SLC22A31: variants seen among roughly 807,000 people sequenced by gnomAD.
SLC22A31 encodes the protein putative solute carrier family 22 member 31.
SLC22A31 carries 42 observed loss-of-function variants against 27.4 expected under a neutral mutation model. The observed-to-expected ratio is 1.53, with a 90% CI of 1.20 to 1.98. SLC22A31 has a LOEUF of 1.98. SLC22A31 is among the 30% of genes most tolerant of loss of function. The pLI is 0.00. For synonymous variants in SLC22A31, 290 were observed against 230.8 expected, an observed-to-expected ratio of 1.26 and a Z score of -2.33; for missense variants, 593 against 479.9, an observed-to-expected ratio of 1.24 and a Z score of -2.20.
At position 89,195,876 on chromosome 16, in the gene SLC22A31, C is replaced by G. The variant is rs36116857; in HGVS notation, c.*123G>C. On this transcript the variant is annotated 3_prime_UTR_variant, in exon 9 of 9. Coordinates refer to ENST00000682282, the MANE Select transcript of SLC22A31 (RefSeq NM_001384763.1). ...CTTCACGCTGTCCCCACGGCTCCAC[C>G]TGCACTGAGACACGGGCTTCTGAGA... is the stretch of plus-strand genomic sequence containing the variant. 4.6e-3 allele frequency: 5,491 copies of G among 1,192,664 alleles called. 19 individuals carry two copies. The highest frequency in any genetic ancestry group is 5.2e-3 in the Non-Finnish European group (4,637 of 884,648). The allele number at this position is 1,192,664 out of a possible 1,614,324, so 73.9% of individuals were successfully genotyped here. A position where few individuals can be genotyped will look rare whatever the true frequency, so the allele number is the denominator to read the frequency against.
At position 89,195,820 on chromosome 16, in the gene SLC22A31, C is replaced by T. The variant is rs1286982020; in HGVS notation, c.*179G>A. 4.7e-6 allele frequency: 3 copies of T among 640,170 alleles called. No individual in the cohort carries two copies. The highest frequency in any genetic ancestry group is 3.8e-5 in the African/African-American group (2 of 52,732). The allele number at this position is 640,170 out of a possible 1,614,324, so 39.7% of individuals were successfully genotyped here. On this transcript the variant is annotated 3_prime_UTR_variant, in exon 9 of 9. Transcript: ENST00000682282. ...GTGTGGCTGGGGGGAGACCCAGGGC[C>T]TCCCAGTGCCTGGGGCCTGGCTGGA...
At chr16:89,201,153 G>C (rs1916575621), upstream of SLC22A31, 2 of 378,236 alleles carry the variant, frequency 5.3e-6, no homozygotes, top group Non-Finnish European at 9.4e-6. Context: ...CCAGGAGGAC[G>C]GCCGGGGGGC....
chr16:89,201,275 C>T, upstream of SLC22A31: 1 of 360,414 alleles, frequency 2.8e-6, no homozygotes. Context: ...GGTGACCGGG[C>T]TTTGCAGGAG....
Position 89,198,187 on chromosome 16 carries a change from G to A in SLC22A31, c.857C>T (p.Pro286Leu), listed in dbSNP as rs750436991. The A allele has an allele frequency of 1.6e-5, 25 of 1,535,592 alleles. 1 individual carries two copies. In the South Asian group the frequency reaches 2.6e-4, roughly 16 times the overall value. ...LLTADCCGRR[P>L]VLLLGTMVTG... ...GACCATGGTGCCCAGCAGCAGCACG[G>A]GGCGGCGTCCACAGCAATCTGCCGT... The change falls in exon 7 of 9, where the codon CCC becomes CTC. Residue 286 changes from proline to leucine, a missense_variant. Transcript: ENST00000682282.
rs1028272668 is a variant in SLC22A31, at chr16:89,195,846, G to A, written c.*153C>T. Reference sequence around the variant, plus strand: ...TCCCAGTGCCTGGGGCCTGGCTGGAGACACCTTCACGCTGTCCCCACGGCT... The same window carrying A: ...TCCCAGTGCCTGGGGCCTGGCTGGAAACACCTTCACGCTGTCCCCACGGCT... On this transcript the variant is annotated 3_prime_UTR_variant, in exon 9 of 9. Coordinates refer to ENST00000682282, the MANE Select transcript of SLC22A31 (RefSeq NM_001384763.1). 2 of 861,384 alleles carry A rather than the reference G, an allele frequency of 2.3e-6. No individual in the cohort carries two copies. Among genetic ancestry groups the A allele is most frequent in the Admixed American group, 3.4e-5 (1 of 29,460 alleles). 53.4% of individuals were successfully genotyped at this position (861,384 alleles called of 1,614,324 possible). A position where few individuals can be genotyped will look rare whatever the true frequency, so the allele number is the denominator to read the frequency against.
In SLC22A31 at chr16:89,198,689, G is replaced by A. The variant is rs1038214634; in HGVS notation, c.561C>T (p.Pro187=). 2.5e-5 allele frequency: 39 copies of A among 1,535,690 alleles called. No homozygotes were observed. Among genetic ancestry groups the A allele is most frequent in the Non-Finnish European group, 3.0e-5 (34 of 1,146,752 alleles). The change falls in exon 5 of 9, where the codon CCC becomes CCT. Residue 187 remains proline (P), a synonymous_variant. Coordinates refer to ENST00000682282, the MANE Select transcript of SLC22A31 (RefSeq NM_001384763.1). ...WRFAEASGVG[P]GDSSLEENSL... is the part of the protein sequence containing the mutation. The stretch of plus-strand genomic sequence containing the variant: ...AGTTCTCCTCCAAGGAACTGTCCCC[G>A]GGGCCCACGCCACTGGCTTCTGCAA...
chr16:89,196,651 T>G (rs1915957051), intron 8 of SLC22A31, among the ~76,000 whole-genome samples: 1 of 152,218 alleles, frequency 6.6e-6, no homozygotes, highest in Non-Finnish European at 1.5e-5. Flanking sequence ...TTTGCTCTGT[T>G]CAAGACTGGA....
Position 89,198,219 on chromosome 16 carries a change from C to T in SLC22A31, c.825G>A (p.Leu275=). The T allele has an allele frequency of 6.5e-7, 1 of 1,535,910 alleles. No homozygotes were observed. The highest frequency in any genetic ancestry group is 8.7e-7 in the Non-Finnish European group (1 of 1,146,884). ...AGLEAAALVF[L]LLTADCCGRR... is the part of the protein sequence containing the mutation. ...GTCCACAGCAATCTGCCGTCAGGAG[C>T]AGGAAGACCAAGGCTGCCGCCTCCA... The change falls in exon 7 of 9, where the codon CTG becomes CTA. Residue 275 remains leucine (L), a synonymous_variant. Transcript: ENST00000682282.
upstream of SLC22A31, among the ~76,000 whole-genome samples, chr16:89,200,610 T>C (rs545442132): frequency 2.5e-3 from 383 of 151,960 alleles, 1 homozygote; most frequent in Middle Eastern, 0.01. Context: ...CTTGTGAAGA[T>C]GTGGCAACCC....
chr16:89,197,271 G>A lies in SLC22A31; in HGVS notation c.1034+27C>T, dbSNP rs981631635. The A allele has an allele frequency of 5.3e-6, 8 of 1,519,760 alleles. No homozygotes were observed. In the Admixed American group the frequency reaches 7.9e-5, roughly 15 times the overall value. 94.1% of individuals were successfully genotyped at this position (1,519,760 alleles called of 1,614,324 possible). On this transcript the variant is annotated intron_variant, in intron 8 of 8. Transcript: ENST00000682282. ...CCCATGAGAGGCCCTGGACCCTGCT[G>A]TGTGGCCGGGCAACCCTGAAGCTCA... is the stretch of plus-strand genomic sequence containing the variant.
At chr16:89,199,263 G>C in intron 3 of SLC22A31, 72 bp from the exon 4 acceptor site, 4 of 1,401,878 alleles carry the variant, frequency 2.9e-6, no homozygotes, top group Non-Finnish European at 2.8e-6. Flanking sequence ...GAACTGCGGG[G>C]ACCTATTGGT....
chr16:89,196,167 A>G lies in SLC22A31; in HGVS notation c.1173T>C (p.Cys391=), dbSNP rs1316205259. The change falls in exon 9 of 9, where the codon TGT becomes TGC. Residue 391 remains cysteine, a synonymous_variant. Transcript: ENST00000682282. Reference sequence around the variant, plus strand: ...TTCGGCTCTCAGGCAGCAGCAGGACACACAGCAGGGCAAGGACAGCAAGGG... The same window carrying G: ...TTCGGCTCTCAGGCAGCAGCAGGACGCACAGCAGGGCAAGGACAGCAAGGG... ...FASLAVLALL[C]VLLLPESRSR... 2.0e-6 allele frequency: 3 copies of G among 1,535,206 alleles called. No homozygotes were observed. The highest frequency in any genetic ancestry group is 2.6e-6 in the Non-Finnish European group (3 of 1,146,508).
chr16:89,198,854 C>G lies in SLC22A31; in HGVS notation c.453-57G>C, dbSNP rs1374731646. 20 of 1,504,264 alleles carry G rather than the reference C, an allele frequency of 1.3e-5. No homozygotes were observed. In the East Asian group the frequency reaches 4.7e-4, roughly 35 times the overall value. The allele number at this position is 1,504,264 out of a possible 1,614,324, so 93.2% of individuals were successfully genotyped here. On this transcript the variant is annotated intron_variant, in intron 4 of 8. Coordinates refer to ENST00000682282, the MANE Select transcript of SLC22A31 (RefSeq NM_001384763.1). The stretch of plus-strand genomic sequence containing the variant: ...CTCCACCTCCTCCTGGAAGGAGAGG[C>G]AAAGGCCAGGGCCCCCACCCCACCC...
At chr16:89,197,123 T>C (rs375466806) in intron 8 of SLC22A31, among the ~76,000 whole-genome samples, 175 bp downstream of exon 8, 6 of 152,066 alleles carry the variant, frequency 3.9e-5, no homozygotes, top group African/African-American at 1.4e-4. Flanking sequence ...CTGTGAGCAG[T>C]GGCCCCCACC....
chr16:89,200,977 C>G (rs1387139910), upstream of SLC22A31: 1 of 348,444 alleles, frequency 2.9e-6, no homozygotes, highest in Admixed American at 4.8e-5. Flanking sequence ...AGGCCCTGCT[C>G]CCCCACCGGC....
chr16:89,201,456 A>C, upstream of SLC22A31: 1 of 391,116 alleles, frequency 2.6e-6, no homozygotes, highest in South Asian at 1.3e-4. Context: ...GGCGGCGTCC[A>C]GCAGCGCGGG....
At chr16:89,201,358 C>A (rs1248986251), upstream of SLC22A31, 2 of 186,928 alleles carry the variant, frequency 1.1e-5, no homozygotes, top group African/African-American at 2.1e-4. Context: ...GCGCGGGGCG[C>A]GGGCCCGGGG....
At position 89,198,248 on chromosome 16, in the gene SLC22A31, C is replaced by T. The variant is rs185855124; in HGVS notation, c.796G>A (p.Gly266Ser). 35 of 1,535,930 alleles carry T rather than the reference C, an allele frequency of 2.3e-5. No homozygotes were observed. Among genetic ancestry groups the T allele is most frequent in the South Asian group, 4.8e-5 (4 of 84,064 alleles). The change falls in exon 7 of 9, where the codon GGC becomes AGC. Residue 266 changes from glycine to serine, a missense_variant. By Grantham distance (56) the Gly-to-Ser change is moderately conservative (BLOSUM62 0). Coordinates refer to ENST00000682282, the MANE Select transcript of SLC22A31 (RefSeq NM_001384763.1). ...AAGACCAAGGCTGCCGCCTCCAGGC[C>T]GGCCTCCAGGAAGTAGGGCAGGTAG... Reference protein sequence around the residue: ...TFYLPYFLEAGLEAAALVFLL... With the variant: ...TFYLPYFLEASLEAAALVFLL...
chr16:89,198,123 C>A lies in SLC22A31; in HGVS notation c.921G>T (p.Gln307His). ...TGGCCTGCGGGGCCCCAAGCTCACA[C>A]TGGGCCCCAGCGAGGAGCAGCAGGG... is the stretch of plus-strand genomic sequence containing the variant. ...LASLLLLAGA[Q>H]YLPGWTVLFL... Residue 307 changes from glutamine (Q) to histidine (H), a missense_variant and splice_region_variant, in exon 7 of 9, where the codon CAG (glutamine) becomes CAT (histidine). Coordinates refer to ENST00000682282, the MANE Select transcript of SLC22A31 (RefSeq NM_001384763.1). 1.3e-6 allele frequency: 2 copies of A among 1,505,080 alleles called. No individual in the cohort carries two copies. The highest frequency in any genetic ancestry group is 1.7e-6 in the Non-Finnish European group (2 of 1,143,822). 93.2% of individuals were successfully genotyped at this position (1,505,080 alleles called of 1,614,324 possible). A position where few individuals can be genotyped will look rare whatever the true frequency, so the allele number is the denominator to read the frequency against.
Sources: allele counts gnomAD v4.1 joint callset (sites outside exome capture counted in the v4.1 genomes callset), GRCh38; gene constraint gnomAD v4.1.1; transcripts MANE v1.5; gene names NCBI Gene and HGNC (gene_info 2026-07-23, HGNC 2026-07-21).